Variants in MARCHF1 observed in about 807,000 individuals in gnomAD.
The protein encoded by MARCHF1 is membrane associated ring-CH-type finger 1.
A neutral mutation model predicts 54.2 loss-of-function variants in MARCHF1; 40 were observed. The observed-to-expected ratio is 0.74, with a 90% CI of 0.57 to 0.96. The LOEUF (loss-of-function observed/expected upper bound fraction) is 0.96. Among genes scored for constraint, MARCHF1 ranks in the 40% least tolerant of loss-of-function variants. The pLI is 0.00. For missense variants in MARCHF1, 586 were observed against 656.5 expected, an observed-to-expected ratio of 0.89 and a Z score of 1.17; for synonymous variants, 236 against 236.3, an observed-to-expected ratio of 1.00 and a Z score of 0.01.
chr4:163,741,573 ACT>A (rs1169491856), intron 4 of MARCHF1, among the ~76,000 whole-genome samples: 43 of 142,128 alleles, frequency 3.0e-4, no homozygotes, highest in African/African-American at 1.1e-3. Flanking sequence ...ACAGAGTGAG[ACT>A]CTGTCTCAAA....
intron 5 of MARCHF1, among the ~76,000 whole-genome samples, chr4:163,647,361 CA>C (rs1176650430): frequency 6.6e-6 from 1 of 151,890 alleles, no homozygotes; most frequent in Non-Finnish European, 1.5e-5. Context: ...ATCATCCAGA[CA>C]GAAAATAAAT....
chr4:163,689,904 G>C (rs942013784), intron 5 of MARCHF1, among the ~76,000 whole-genome samples: 1 of 152,028 alleles, frequency 6.6e-6, no homozygotes, highest in African/African-American at 2.4e-5. Flanking sequence ...AAATTAAAAT[G>C]GTCCATTTTA....
chr4:164,182,903 A>C (rs1730872151), intron 1 of MARCHF1, among the ~76,000 whole-genome samples: 1 of 152,116 alleles, frequency 6.6e-6, no homozygotes, highest in East Asian at 1.9e-4. Flanking sequence ...TTAAAGAAAA[A>C]CCATTCATGT....
chr4:163,954,311 T>C (rs1056429123), intron 3 of MARCHF1, among the ~76,000 whole-genome samples: 19 of 152,286 alleles, frequency 1.2e-4, no homozygotes, highest in African/African-American at 4.6e-4. Context: ...TATTTATATG[T>C]TATGTAAAAT....
intron 3 of MARCHF1, among the ~76,000 whole-genome samples, chr4:163,986,890 T>C (rs1665137165): frequency 6.6e-6 from 1 of 152,160 alleles, no homozygotes; most frequent in Non-Finnish European, 1.5e-5. Flanking sequence ...ATTGACACAA[T>C]GTTGTTTTCT....
chr4:163,896,861 T>C (rs1055292140), intron 3 of MARCHF1, among the ~76,000 whole-genome samples: 7 of 152,130 alleles, frequency 4.6e-5, no homozygotes, highest in Non-Finnish European at 1.0e-4. Context: ...TCTAAATAAT[T>C]ATCCCGCTTC....
chr4:163,916,789 C>T (rs1022923492), intron 3 of MARCHF1, among the ~76,000 whole-genome samples: 2 of 152,226 alleles, frequency 1.3e-5, no homozygotes, highest in Non-Finnish European at 2.9e-5. Context: ...CTGCCACTAT[C>T]AACACCTCAC....
intron 3 of MARCHF1, among the ~76,000 whole-genome samples, chr4:163,889,961 G>C (rs1485491061): frequency 1.8e-5 from 2 of 108,462 alleles, no homozygotes; most frequent in Non-Finnish European, 3.4e-5. Flanking sequence ...ATCTCACTCT[G>C]TTGCCCAGGC....
intron 4 of MARCHF1, among the ~76,000 whole-genome samples, chr4:163,705,456 G>T (rs78360820): frequency 6.6e-6 from 1 of 151,858 alleles, no homozygotes; most frequent in African/African-American, 2.4e-5. Flanking sequence ...TTTGATACAT[G>T]AGCAGTGTAT....
At chr4:163,712,011 A>C (rs1300119009) in intron 4 of MARCHF1, among the ~76,000 whole-genome samples, 1 of 152,180 alleles carries the variant, frequency 6.6e-6, no homozygotes, top group African/African-American at 2.4e-5. Flanking sequence ...GTCTGCAGTG[A>C]CTTAAAAACC....
intron 7 of MARCHF1, among the ~76,000 whole-genome samples, chr4:163,596,294 C>T (rs932287421): frequency 5.3e-5 from 8 of 152,056 alleles, no homozygotes; most frequent in African/African-American, 1.9e-4. Flanking sequence ...GTAATCTCAG[C>T]ACTTTGGGAA....
chr4:164,137,069 A>G (rs1198359080), intron 1 of MARCHF1, among the ~76,000 whole-genome samples: 1 of 152,192 alleles, frequency 6.6e-6, no homozygotes, highest in African/African-American at 2.4e-5. Context: ...GTTCATATCT[A>G]AAGGGAAAAA....
At chr4:163,552,420 A>G (rs1739136674) in intron 8 of MARCHF1, among the ~76,000 whole-genome samples, 1 of 152,226 alleles carries the variant, frequency 6.6e-6, no homozygotes, top group Non-Finnish European at 1.5e-5. Flanking sequence ...AGGTTTGGGT[A>G]AAGATACCAC....
chr4:163,777,663 A>G (rs536085926), intron 4 of MARCHF1, among the ~76,000 whole-genome samples: 77 of 152,272 alleles, frequency 5.1e-4, no homozygotes, highest in Non-Finnish European at 9.7e-4. Context: ...TTTTAGGGGT[A>G]TAAAGATATC....
At chr4:163,656,180 G>T (rs1211764429) in intron 5 of MARCHF1, among the ~76,000 whole-genome samples, 1 of 144,686 alleles carries the variant, frequency 6.9e-6, no homozygotes, top group Non-Finnish European at 1.5e-5. Flanking sequence ...AAGAAGAAAA[G>T]AAATTAAAAT....
At chr4:163,627,903 C>A (rs1741928768) in intron 5 of MARCHF1, among the ~76,000 whole-genome samples, 1 of 151,810 alleles carries the variant, frequency 6.6e-6, no homozygotes, top group Admixed American at 6.6e-5. Flanking sequence ...GAATCTCAAC[C>A]CTTACCTTAC....
intron 2 of MARCHF1, among the ~76,000 whole-genome samples, chr4:164,090,623 CATT>C (rs1373121451): frequency 2.0e-5 from 3 of 151,910 alleles, no homozygotes; most frequent in African/African-American, 4.8e-5. Flanking sequence ...AGAAAAAACA[CATT>C]ATAACAAACA....
intron 1 of MARCHF1, among the ~76,000 whole-genome samples, chr4:164,148,142 AACACACACACACAC>A (rs10573891): frequency 6.8e-6 from 1 of 147,746 alleles, no homozygotes; most frequent in Non-Finnish European, 1.5e-5. Flanking sequence ...TTAAAAAAAT[AACACACACACACAC>A]ACACACACAC....
chr4:163,911,951 C>A (rs947707159), intron 3 of MARCHF1, among the ~76,000 whole-genome samples: 1 of 152,070 alleles, frequency 6.6e-6, no homozygotes, highest in African/African-American at 2.4e-5. Flanking sequence ...GTTGTGGTAG[C>A]GCTAGTACAT....
Sources: allele counts gnomAD v4.1 joint callset (sites outside exome capture counted in the v4.1 genomes callset), GRCh38; gene constraint gnomAD v4.1.1; transcripts MANE v1.5; gene names NCBI Gene and HGNC (gene_info 2026-07-23, HGNC 2026-07-21).